MTX3: variants seen among roughly 807,000 people sequenced by gnomAD.
MTX3 encodes the protein metaxin 3.
A neutral mutation model predicts 42.5 loss-of-function variants in MTX3; 27 were observed. The ratio of observed to expected loss-of-function variants is 0.64; its 90% CI spans 0.47 to 0.88. The LOEUF is 0.88. Ranked by LOEUF, MTX3 falls within the 40% of genes least tolerant of loss-of-function variation. The pLI, the probability that MTX3 is intolerant of heterozygous loss-of-function variation, is 0.00. For synonymous variants in MTX3, 144 were observed against 132.9 expected, an observed-to-expected ratio of 1.08 and a Z score of -0.57; for missense variants, 378 against 367.0, an observed-to-expected ratio of 1.03 and a Z score of -0.25.
chr5:79,990,675 T>A lies in MTX3; in HGVS notation c.82-12A>T, dbSNP rs779508096. ...AATTTGGCATAAGCCTGAAACAGAG[T>A]TTGCAATCAAACATTTTAGACCAAG... is the stretch of plus-strand genomic sequence containing the variant. On this transcript the variant is annotated splice_polypyrimidine_tract_variant and intron_variant, in intron 1 of 8. Coordinates refer to ENST00000512528, the MANE Select transcript of MTX3 (RefSeq NM_001363818.2). The A allele has an allele frequency of 2.5e-6, 4 of 1,608,190 alleles. No homozygotes were observed. In the South Asian group the frequency reaches 4.4e-5, roughly 18 times the overall value.
Position 79,988,609 on chromosome 5 carries a change from AAAGT to A in MTX3, c.353_356del (p.Tyr118LeufsTer3). On this transcript the variant is annotated frameshift_variant, in exon 5 of 9. Transcript: ENST00000512528. LOFTEE classifies it high-confidence loss of function. ...AAGCAAACCATGGCTTTGTCACAGT[AAAGT>A]AATTGTCACTCTCAACCCAGAATGT... 3 of 1,598,628 alleles carry A rather than the reference AAAGT, an allele frequency of 1.9e-6. No individual in the cohort carries two copies. The highest frequency in any genetic ancestry group is 2.6e-6 in the Non-Finnish European group (3 of 1,172,106).
intron 8 of MTX3, among the ~76,000 whole-genome samples, chr5:79,985,281 G>A (rs1337365616): frequency 6.6e-6 from 1 of 151,904 alleles, no homozygotes; most frequent in Admixed American, 6.6e-5. Flanking sequence ...GCGCCCGGCC[G>A]CTTTGTTTTT....
Position 79,990,178 on chromosome 5 carries a change from T to C in MTX3, c.210A>G (p.Leu70=), listed in dbSNP as rs1053060545. ...CACCCACCTGTTTTCTTAAAAAGTT[T>C]AGTATTTTTGCTGGCTGAGAAACCA... The part of the protein sequence containing the change: ...DDMVSQPAKI[L]NFLRKQKYNA... Residue 70 remains leucine (L), a synonymous_variant, in exon 3 of 9, where the codon CTA becomes CTG. Coordinates refer to ENST00000512528, the MANE Select transcript of MTX3 (RefSeq NM_001363818.2). The C allele has an allele frequency of 1.9e-6, 3 of 1,609,790 alleles. No individual in the cohort carries two copies. Among genetic ancestry groups the C allele is most frequent in the Admixed American group, 1.7e-5 (1 of 59,446 alleles).
At chr5:79,985,462 C>T in intron 8 of MTX3, 109 bp downstream of exon 8, 2 of 731,710 alleles carry the variant, frequency 2.7e-6, no homozygotes, top group South Asian at 3.3e-5. Flanking sequence ...GAAAAACAAA[C>T]TCTATAAAAA....
At chr5:79,987,987 T>C (rs1331739059) in intron 6 of MTX3, among the ~76,000 whole-genome samples, 1 of 152,186 alleles carries the variant, frequency 6.6e-6, no homozygotes, top group African/African-American at 2.4e-5. Flanking sequence ...AGCTAATTTT[T>C]TGTATTTTTA....
chr5:79,991,137 T>C (rs1831653438), intron 1 of MTX3, 21 bp downstream of exon 1: 1 of 1,545,766 alleles, frequency 6.5e-7, no homozygotes. Flanking sequence ...TCCTGCGCCC[T>C]GGCCCGCGAG....
At chr5:79,989,787 A>T (rs1190134495) in intron 3 of MTX3, among the ~76,000 whole-genome samples, 2 of 152,228 alleles carry the variant, frequency 1.3e-5, no homozygotes, top group East Asian at 3.8e-4. Flanking sequence ...GCTTTTTAAA[A>T]ATAATATAGT....
chr5:79,985,810 G>T (rs979325779), intron 7 of MTX3, among the ~76,000 whole-genome samples, 151 bp from the exon 8 acceptor site: 1 of 151,108 alleles, frequency 6.6e-6, no homozygotes, highest in African/African-American at 2.4e-5. Context: ...TGGGTTTAAA[G>T]GCGAAGAGAG....
Position 79,977,843 on chromosome 5 carries a change from A to G in MTX3, c.*5841T>C, listed in dbSNP as rs1448244819. On this transcript the variant is annotated 3_prime_UTR_variant, in exon 9 of 9. Transcript: ENST00000512528. Reference sequence around the variant, plus strand: ...TGATGTATGTATCATACTAGCTTGTATGTGACTTTAGTGTCATAAACACCC... The same window carrying G: ...TGATGTATGTATCATACTAGCTTGTGTGTGACTTTAGTGTCATAAACACCC... 3 of 152,256 alleles carry G rather than the reference A, an allele frequency of 2.0e-5. No individual in the cohort carries two copies. Among genetic ancestry groups the G allele is most frequent in the Non-Finnish European group, 4.4e-5 (3 of 68,048 alleles). 9.4% of individuals were successfully genotyped at this position (152,256 alleles called of 1,614,324 possible). A position where few individuals can be genotyped will look rare whatever the true frequency, so the allele number is the denominator to read the frequency against.
intron 3 of MTX3, 33 bp downstream of exon 3, chr5:79,990,127 T>G: frequency 1.4e-6 from 2 of 1,424,308 alleles, no homozygotes; most frequent in Non-Finnish European, 1.9e-6. Flanking sequence ...ATCAACAATC[T>G]ACCAATCTAC....
chr5:79,986,690 G>A (rs754691255), intron 7 of MTX3: 2 of 538,166 alleles, frequency 3.7e-6, no homozygotes, highest in Non-Finnish European at 6.9e-6. Flanking sequence ...CCACTTCAAA[G>A]GGGTAATATT....
At chr5:79,991,033 C>A in intron 1 of MTX3, 125 bp downstream of exon 1, 2 of 1,011,794 alleles carry the variant, frequency 2.0e-6, no homozygotes, top group East Asian at 2.6e-5. Context: ...GAGCCCAGGG[C>A]AATGCAGCGT....
At chr5:79,989,036 G>C (rs1831563898) in intron 4 of MTX3, 116 bp downstream of exon 4, 4 of 658,704 alleles carry the variant, frequency 6.1e-6, no homozygotes, top group Non-Finnish European at 7.5e-6. Flanking sequence ...AAGGAATTAA[G>C]ATTAACATAT....
chr5:79,991,179 G>A lies in MTX3; in HGVS notation c.60C>T (p.His20=), dbSNP rs1426022463. The change falls in exon 1 of 9, where the codon CAC becomes CAT. Residue 20 remains histidine (H), a synonymous_variant. Transcript: ENST00000512528. The stretch of plus-strand genomic sequence containing the variant: ...TCACCATCACCACCAGGGACTCGCT[G>A]TGAACCGATGGGAGTCCCCAGCCGC... The part of the protein sequence containing the change: ...WGGGWGLPSV[H]SESLVVMAYA... The A allele has an allele frequency of 1.3e-6, 2 of 1,514,728 alleles. No homozygotes were observed. Among genetic ancestry groups the A allele is most frequent in the South Asian group, 1.3e-5 (1 of 79,848 alleles). 93.8% of individuals were successfully genotyped at this position (1,514,728 alleles called of 1,614,324 possible).
In MTX3 at chr5:79,989,179, GAGAGCAATAT is replaced by G. The variant is rs1561283736; in HGVS notation, c.284_293del (p.Tyr95SerfsTer24). 1 of 1,607,990 alleles carries G rather than the reference GAGAGCAATAT, an allele frequency of 6.2e-7. No homozygotes were observed. Among genetic ancestry groups the G allele is most frequent in the South Asian group, 1.1e-5 (1 of 89,462 alleles). ...CTGCAGGGAGAAGCTTCTCTTCGAGGAGAGCAATATAAGCCAATGTATCTGCCCCTTGTTT... is the reference window on the plus strand; with the variant it reads ...CTGCAGGGAGAAGCTTCTCTTCGAGGAAGCCAATGTATCTGCCCCTTGTTT... On this transcript the variant is annotated frameshift_variant, in exon 4 of 9. Coordinates refer to ENST00000512528, the MANE Select transcript of MTX3 (RefSeq NM_001363818.2). LOFTEE classifies it high-confidence loss of function.
At chr5:79,984,416 A>G (rs980142368) in intron 8 of MTX3, among the ~76,000 whole-genome samples, 6 of 152,226 alleles carry the variant, frequency 3.9e-5, no homozygotes, top group Non-Finnish European at 7.3e-5. Flanking sequence ...TATGTAGACC[A>G]AAGGAAGCTA....
chr5:79,988,508 G>A lies in MTX3; in HGVS notation c.458C>T (p.Thr153Ile). 6.2e-7 allele frequency: 1 copy of A among 1,613,184 alleles called. No individual in the cohort carries two copies. Among genetic ancestry groups the A allele is most frequent in the Non-Finnish European group, 8.5e-7 (1 of 1,179,684 alleles). ...GTGGTAGAGGGGAGGCTGTCCTCTG[G>A]TCAGGAGAATCCTATTCAGTGCTCC... is the stretch of plus-strand genomic sequence containing the variant. ...SKGALNRILL[T>I]RGQPPLYHLR... Residue 153 changes from threonine to isoleucine, a missense_variant, in exon 5 of 9, where the codon ACC (threonine) becomes ATC (isoleucine). By Grantham distance (89) the Thr-to-Ile change is moderately conservative. Coordinates refer to ENST00000512528, the MANE Select transcript of MTX3 (RefSeq NM_001363818.2).
Position 79,977,799 on chromosome 5 carries a change from A to G in MTX3, c.*5885T>C, listed in dbSNP as rs1276455939. The G allele has an allele frequency of 1.3e-5, 2 of 152,252 alleles. No individual in the cohort carries two copies. The highest frequency in any genetic ancestry group is 2.9e-5 in the Non-Finnish European group (2 of 68,042). 9.4% of individuals were successfully genotyped at this position (152,252 alleles called of 1,614,324 possible). ...TTAAACTTCCTTTGCTTTGTCACTGAGCAACTATAAGCTTTCTATGATGTA... is the reference window on the plus strand; with the variant it reads ...TTAAACTTCCTTTGCTTTGTCACTGGGCAACTATAAGCTTTCTATGATGTA... On this transcript the variant is annotated 3_prime_UTR_variant, in exon 9 of 9. Coordinates refer to ENST00000512528, the MANE Select transcript of MTX3 (RefSeq NM_001363818.2).
At chr5:79,988,214 A>G (rs2151142900) in intron 6 of MTX3, 25 bp downstream of exon 6, 2 of 1,353,414 alleles carry the variant, frequency 1.5e-6, no homozygotes, top group Non-Finnish European at 2.1e-6. Context: ...CAAAATACCA[A>G]AATGATTTTT....
Sources: allele counts gnomAD v4.1 joint callset (sites outside exome capture counted in the v4.1 genomes callset), GRCh38; gene constraint gnomAD v4.1.1; transcripts MANE v1.5; gene names NCBI Gene and HGNC (gene_info 2026-07-23, HGNC 2026-07-21).